Variants in CHAC2 observed in about 807,000 individuals in gnomAD.
CHAC2 encodes the protein glutathione-specific gamma-glutamylcyclotransferase 2.
A neutral mutation model predicts 16.9 loss-of-function variants in CHAC2; 20 were observed. The ratio of observed to expected loss-of-function variants is 1.18; its 90% CI spans 0.83 to 1.72. The LOEUF (loss-of-function observed/expected upper bound fraction) is 1.72, where lower values mean the gene tolerates loss of function less well. Among genes scored for constraint, CHAC2 ranks in the 40% most tolerant of loss-of-function variants. The pLI, the probability that CHAC2 is intolerant of heterozygous loss-of-function variation, is 0.00. For missense variants in CHAC2, 269 were observed against 222.2 expected, an observed-to-expected ratio of 1.21 and a Z score of -1.34; for synonymous variants, 91 against 77.3, an observed-to-expected ratio of 1.18 and a Z score of -0.93.
intron 1 of CHAC2, among the ~76,000 whole-genome samples, chr2:53,768,546 G>C (rs1283548401): frequency 6.6e-6 from 1 of 152,190 alleles, no homozygotes; most frequent in Non-Finnish European, 1.5e-5. Flanking sequence ...TGACACACAG[G>C]ATTGCAGAAT....
In CHAC2 at chr2:53,774,190, G is replaced by T. The variant is rs1413715846; in HGVS notation, c.220G>T (p.Glu74Ter). ...CAGATTGCCAGTAGGAAAGGAAGAAGAAGTAAAAGCATACCTTGACTTCAG... is the reference window on the plus strand; with the variant it reads ...CAGATTGCCAGTAGGAAAGGAAGAATAAGTAAAAGCATACCTTGACTTCAG... ...AYRLPVGKEE[E>*]VKAYLDFREK... Residue 74 changes from glutamate (E) to a stop codon, truncating the protein, a stop_gained, in exon 3 of 3, where the codon GAA becomes TAA. Transcript: ENST00000295304. LOFTEE classifies it high-confidence loss of function. 9 of 1,613,168 alleles carry T rather than the reference G, an allele frequency of 5.6e-6. No homozygotes were observed. Among genetic ancestry groups the T allele is most frequent in the South Asian group, 5.5e-5 (5 of 90,856 alleles).
At chr2:53,771,071 G>C (rs962085599) in intron 1 of CHAC2, among the ~76,000 whole-genome samples, 1 of 152,164 alleles carries the variant, frequency 6.6e-6, no homozygotes, top group African/African-American at 2.4e-5. Context: ...CAAATTCTTA[G>C]ACAGCTCCAG....
At chr2:53,771,882 ATTT>A in intron 1 of CHAC2, 22 bp from the exon 2 acceptor site, 1 of 1,473,260 alleles carries the variant, frequency 6.8e-7, no homozygotes, top group Non-Finnish European at 9.3e-7. Context: ...ATTCAGAAAA[ATTT>A]TTTTTTACCT....
intron 2 of CHAC2, among the ~76,000 whole-genome samples, chr2:53,773,836 A>G (rs1446240400): frequency 1.3e-5 from 2 of 151,408 alleles, no homozygotes; most frequent in Non-Finnish European, 2.9e-5. Context: ...GGAGTTTGAG[A>G]CCAGCCTGGC....
intron 1 of CHAC2, among the ~76,000 whole-genome samples, chr2:53,770,379 G>C (rs918580116): frequency 6.6e-5 from 10 of 151,902 alleles, no homozygotes; most frequent in Non-Finnish European, 1.3e-4. Context: ...GGCTCGCTAT[G>C]TGCCAGACAT....
Position 53,767,857 on chromosome 2 carries a change from C to G in CHAC2, c.-30C>G, listed in dbSNP as rs1056747109. On this transcript the variant is annotated 5_prime_UTR_variant, in exon 1 of 3. Coordinates refer to ENST00000295304, the MANE Select transcript of CHAC2 (RefSeq NM_001008708.4). ...GCGGCGCGGCGACAGCTAGGGTTCACGGCCACTGGGGCAGAGGAGCCGCGA... is the reference window on the plus strand; with the variant it reads ...GCGGCGCGGCGACAGCTAGGGTTCAGGGCCACTGGGGCAGAGGAGCCGCGA... 6.3e-7 allele frequency: 1 copy of G among 1,586,174 alleles called. No individual in the cohort carries two copies. Among genetic ancestry groups the G allele is most frequent in the Non-Finnish European group, 8.6e-7 (1 of 1,165,894 alleles).
chr2:53,769,504 A>G (rs879528002), intron 1 of CHAC2, among the ~76,000 whole-genome samples: 16 of 152,224 alleles, frequency 1.1e-4, no homozygotes, highest in Non-Finnish European at 1.9e-4. Flanking sequence ...GAATAGACTG[A>G]TGATTAGAAA....
Position 53,774,660 on chromosome 2 carries a change from A to C in CHAC2, c.*135A>C, listed in dbSNP as rs1033549820. On this transcript the variant is annotated 3_prime_UTR_variant, in exon 3 of 3. Coordinates refer to ENST00000295304, the MANE Select transcript of CHAC2 (RefSeq NM_001008708.4). Reference sequence around the variant, plus strand: ...TTTAACTGGAAATGTCCTGAAACACATATTTAAAATATTGGGATACAGTGA... The same window carrying C: ...TTTAACTGGAAATGTCCTGAAACACCTATTTAAAATATTGGGATACAGTGA... The C allele has an allele frequency of 1.6e-6, 1 of 619,062 alleles. No homozygotes were observed. The highest frequency in any genetic ancestry group is 2.5e-6 in the Non-Finnish European group (1 of 395,246). 38.3% of individuals were successfully genotyped at this position (619,062 alleles called of 1,614,324 possible). A position where few individuals can be genotyped will look rare whatever the true frequency, so the allele number is the denominator to read the frequency against.
intron 1 of CHAC2, 26 bp downstream of exon 1, chr2:53,768,047 C>G: frequency 6.2e-7 from 1 of 1,610,354 alleles, no homozygotes; most frequent in Non-Finnish European, 8.5e-7. Flanking sequence ...GCTCCCCACA[C>G]TTACTGCCCC....
In CHAC2 at chr2:53,774,143, G is replaced by T. The variant is rs753872446; in HGVS notation, c.173G>T (p.Gly58Val). ...TGTATTCTTTTCATTTTTCAACAGG[G>T]ATGTGTATGGGGTGTTGCTTACAGA... The part of the protein sequence containing the change: ...RVVTLVEDPA[G>V]CVWGVAYRLP... The change falls in exon 3 of 3, where the codon GGA (glycine) becomes GTA (valine). Residue 58 changes from glycine (G) to valine (V), a missense_variant and splice_region_variant. Transcript: ENST00000295304. 2.0e-5 allele frequency: 31 copies of T among 1,588,890 alleles called. No individual in the cohort carries two copies. In the Admixed American group the frequency reaches 5.4e-4, roughly 28 times the overall value.
intron 1 of CHAC2, 111 bp from the exon 2 acceptor site, chr2:53,771,793 GCTT>G (rs538117330): frequency 1.8e-4 from 129 of 714,666 alleles, no homozygotes; most frequent in African/African-American, 1.8e-3. Flanking sequence ...AAGAAATAGT[GCTT>G]CTTATGAGCA....
At chr2:53,772,065 CT>C in intron 2 of CHAC2, 123 bp downstream of exon 2, 3 of 623,662 alleles carry the variant, frequency 4.8e-6, no homozygotes, top group Non-Finnish European at 8.1e-6. Context: ...GAATTCTTCT[CT>C]GTATTTGTGG....
chr2:53,773,366 T>C (rs1296166414), intron 2 of CHAC2, among the ~76,000 whole-genome samples: 2 of 150,688 alleles, frequency 1.3e-5, no homozygotes, highest in Non-Finnish European at 2.9e-5. Context: ...TTAAAGTGCT[T>C]ATTTCCTTTA....
In CHAC2 at chr2:53,772,297, C is replaced by G. The variant is rs369406760; in HGVS notation, c.171+355C>G. ...TCACGCCATTCTCCTGCCTCAGCCT[C>G]CCAAGTAGCTGGGACTACAGGCGCC... is the stretch of plus-strand genomic sequence containing the variant. On this transcript the variant is annotated intron_variant, in intron 2 of 2. Transcript: ENST00000295304. 7.9e-5 allele frequency among the ~76,000 whole-genome samples: 12 copies of G among 152,200 alleles called. No homozygotes were observed. In the East Asian group the frequency reaches 1.4e-3, roughly 17 times the overall value.
Position 53,771,919 on chromosome 2 carries a change from G to C in CHAC2, c.148G>C (p.Val50Leu), listed in dbSNP as rs199920944. The C allele has an allele frequency of 9.4e-5, 147 of 1,566,180 alleles. 1 individual carries two copies. In the Admixed American group the frequency reaches 2.7e-3, roughly 28 times the overall value. ...CTTTTTAAAACAGCCTGGAAGAGTTGTGACTCTTGTTGAAGATCCTGCGGT... is the reference window on the plus strand; with the variant it reads ...CTTTTTAAAACAGCCTGGAAGAGTTCTGACTCTTGTTGAAGATCCTGCGGT... ...RGVPGKPGRVVTLVEDPAGCV... is the reference protein window; with the variant it reads ...RGVPGKPGRVLTLVEDPAGCV... Residue 50 changes from valine to leucine, a missense_variant, in exon 2 of 3, where the codon GTG (valine) becomes CTG (leucine). Coordinates refer to ENST00000295304, the MANE Select transcript of CHAC2 (RefSeq NM_001008708.4).
Position 53,773,125 on chromosome 2 carries a change from G to A in CHAC2, c.172-1017G>A, listed in dbSNP as rs114619258. Among the ~76,000 whole-genome samples, 1,113 of 152,142 alleles carry A rather than the reference G, an allele frequency of 7.3e-3. 13 individuals carry two copies. Among genetic ancestry groups the A allele is most frequent in the African/African-American group, 0.025 (1,031 of 41,494 alleles). The stretch of plus-strand genomic sequence containing the variant: ...GAAATGCTTTCATAATTGATACTAC[G>A]AAAAGCATTTATAAAAAAGATCTTC... On this transcript the variant is annotated intron_variant, in intron 2 of 2. Transcript: ENST00000295304.
chr2:53,768,468 A>C (rs528073065), intron 1 of CHAC2, among the ~76,000 whole-genome samples: 1 of 152,366 alleles, frequency 6.6e-6, no homozygotes, highest in South Asian at 2.1e-4. Context: ...GCCGACTTTC[A>C]TGAGCTTGCG....
At chr2:53,772,731 T>C (rs1320468717) in intron 2 of CHAC2, among the ~76,000 whole-genome samples, 2 of 152,154 alleles carry the variant, frequency 1.3e-5, no homozygotes, top group Non-Finnish European at 2.9e-5. Context: ...CAGGAGTACA[T>C]GTGCAGGATG....
upstream of CHAC2, chr2:53,767,800 G>GGTT: frequency 6.6e-7 from 1 of 1,506,604 alleles, no homozygotes; most frequent in Middle Eastern, 2.0e-4. Context: ...CCGCGCGGCC[G>GGTT]GTTACTCGCT....
Sources: allele counts gnomAD v4.1 joint callset (sites outside exome capture counted in the v4.1 genomes callset), GRCh38; gene constraint gnomAD v4.1.1; transcripts MANE v1.5; gene names NCBI Gene and HGNC (gene_info 2026-07-23, HGNC 2026-07-21).